Variants in FHIT observed in about 807,000 individuals in gnomAD.
FHIT encodes the protein fragile histidine triad diadenosine triphosphatase.
A neutral mutation model predicts 17.9 loss-of-function variants in FHIT; 19 were observed. The observed-to-expected ratio is 1.06, with a 90% CI of 0.74 to 1.56. The LOEUF (loss-of-function observed/expected upper bound fraction) is 1.56, where lower values mean the gene tolerates loss of function less well. Ranked by LOEUF, FHIT falls within the 40% of genes most tolerant of loss-of-function variation. The pLI, the probability that FHIT is intolerant of heterozygous loss-of-function variation, is 0.00. For synonymous variants in FHIT, 81 were observed against 69.7 expected (o/e 1.16, Z -0.81); for missense variants, 248 against 189.2 (o/e 1.31, Z -1.82).
chr3:61,070,785 C>T (rs1435631034), intron 2 of FHIT, among the ~76,000 whole-genome samples: 1 of 152,110 alleles, frequency 6.6e-6, no homozygotes, highest in African/African-American at 2.4e-5. Context: ...TAACAAGTGC[C>T]CAGTCTTACG....
chr3:61,061,730 G>A (rs537181729), intron 2 of FHIT, among the ~76,000 whole-genome samples: 21 of 152,096 alleles, frequency 1.4e-4, no homozygotes, highest in African/African-American at 4.6e-4. Flanking sequence ...AACTCCCTAC[G>A]TTTCCATTCC....
intron 5 of FHIT, among the ~76,000 whole-genome samples, chr3:60,136,324 A>C (rs937088057): frequency 6.6e-6 from 1 of 152,172 alleles, no homozygotes; most frequent in Non-Finnish European, 1.5e-5. Context: ...AACAGAGCCA[A>C]GGGCTATATA....
In FHIT at chr3:60,440,815, G is replaced by A. The variant is rs535628242; in HGVS notation, c.103+96045C>T. Among the ~76,000 whole-genome samples, 50 of 152,044 alleles carry A rather than the reference G, an allele frequency of 3.3e-4. 1 individual carries two copies. Among genetic ancestry groups the A allele is most frequent in the Middle Eastern group, 6.8e-3 (2 of 294 alleles). On this transcript the variant is annotated intron_variant, in intron 5 of 9. Transcript: ENST00000492590. ...GTAGACTCTTTCACACACTCTCCTG[G>A]AACCTCTCTCCAGTTGCTCAGCTTG... is the stretch of plus-strand genomic sequence containing the variant.
At chr3:60,904,230 C>T (rs2107236721) in intron 3 of FHIT, among the ~76,000 whole-genome samples, 1 of 152,258 alleles carries the variant, frequency 6.6e-6, no homozygotes, top group Middle Eastern at 3.4e-3. Context: ...AATCTTCCTG[C>T]CTAGGAGAGA....
intron 5 of FHIT, among the ~76,000 whole-genome samples, chr3:60,240,753 A>G (rs1310894122): frequency 6.6e-6 from 1 of 152,166 alleles, no homozygotes; most frequent in Non-Finnish European, 1.5e-5. Flanking sequence ...CAAAGTCCTC[A>G]ACAGCTGGCA....
chr3:61,114,521 T>G (rs1411815937), intron 2 of FHIT, among the ~76,000 whole-genome samples: 1 of 152,108 alleles, frequency 6.6e-6, no homozygotes, highest in Non-Finnish European at 1.5e-5. Flanking sequence ...AGTAATACTA[T>G]CTACTTCACA....
intron 8 of FHIT, among the ~76,000 whole-genome samples, chr3:59,910,263 A>G (rs1426022214): frequency 6.6e-6 from 1 of 152,224 alleles, no homozygotes; most frequent in East Asian, 1.9e-4. Flanking sequence ...GGGAGCTTCC[A>G]GGGCATAGGT....
At chr3:60,187,649 A>G (rs1279913389) in intron 5 of FHIT, among the ~76,000 whole-genome samples, 2 of 152,198 alleles carry the variant, frequency 1.3e-5, no homozygotes, top group African/African-American at 4.8e-5. Context: ...CTGAACAACA[A>G]GCAGCAAATA....
At chr3:61,034,064 A>C (rs1301134397) in intron 3 of FHIT, among the ~76,000 whole-genome samples, 6 of 152,186 alleles carry the variant, frequency 3.9e-5, no homozygotes, top group Non-Finnish European at 7.4e-5. Context: ...ATAACCACAC[A>C]TGCCAAGAAT....
intron 5 of FHIT, among the ~76,000 whole-genome samples, chr3:60,430,902 T>C (rs926405551): frequency 2.0e-5 from 3 of 152,006 alleles, no homozygotes; most frequent in African/African-American, 7.2e-5. Flanking sequence ...TAAAGCAAGA[T>C]TGCTCCTTTT....
chr3:59,909,245 G>A (rs920322220), intron 8 of FHIT, among the ~76,000 whole-genome samples: 1 of 151,992 alleles, frequency 6.6e-6, no homozygotes, highest in South Asian at 2.1e-4. Flanking sequence ...TGCTGGCCAG[G>A]CTGATCTGGA....
chr3:60,721,643 T>C (rs963536664), intron 4 of FHIT, among the ~76,000 whole-genome samples: 1 of 152,126 alleles, frequency 6.6e-6, no homozygotes, highest in Non-Finnish European at 1.5e-5. Context: ...AAAAGCATGA[T>C]TCATGAATAT....
chr3:60,661,921 T>G (rs1164340081), intron 4 of FHIT, among the ~76,000 whole-genome samples: 1 of 152,178 alleles, frequency 6.6e-6, no homozygotes, highest in Non-Finnish European at 1.5e-5. Flanking sequence ...TTCTTGCTAA[T>G]TTGTTTGAGT....
At chr3:60,610,956 T>C (rs78808261) in intron 4 of FHIT, among the ~76,000 whole-genome samples, 1 of 152,138 alleles carries the variant, frequency 6.6e-6, no homozygotes, top group Non-Finnish European at 1.5e-5. Flanking sequence ...GGCCATGTAC[T>C]CTTAAGCCTA....
chr3:61,170,148 T>C (rs2037960930), intron 2 of FHIT, among the ~76,000 whole-genome samples: 1 of 152,210 alleles, frequency 6.6e-6, no homozygotes, highest in Admixed American at 6.5e-5. Flanking sequence ...ATCTTCATCA[T>C]AGGTAATAGC....
chr3:60,125,213 T>C (rs961464618), intron 5 of FHIT, among the ~76,000 whole-genome samples: 1 of 152,216 alleles, frequency 6.6e-6, no homozygotes, highest in East Asian at 1.9e-4. Context: ...GTTCCCACTT[T>C]GCTCTCTTAC....
intron 4 of FHIT, among the ~76,000 whole-genome samples, chr3:60,656,705 T>C (rs2856000): frequency 1 from 151,925 of 152,306 alleles, 75,774 homozygotes; most frequent in Middle Eastern, 1. Flanking sequence ...CCCTTTGATG[T>C]CTTTCCACAA....
chr3:60,026,662 T>C (rs1236002597), intron 5 of FHIT, among the ~76,000 whole-genome samples: 1 of 152,154 alleles, frequency 6.6e-6, no homozygotes, highest in Non-Finnish European at 1.5e-5. Flanking sequence ...ATAAAAAAAA[T>C]CTCAAAATGT....
intron 4 of FHIT, among the ~76,000 whole-genome samples, chr3:60,614,809 GT>G (rs147892145): frequency 1.3e-5 from 1 of 78,240 alleles, no homozygotes; most frequent in East Asian, 6.4e-4. Flanking sequence ...TGCAAAAGTT[GT>G]TTTTTTTTTG....
Sources: gnomAD v4.1 joint callset for allele counts (sites outside exome capture counted in the v4.1 genomes callset) on GRCh38, gnomAD v4.1.1 for gene constraint, MANE v1.5 for transcripts, NCBI Gene and HGNC (gene_info 2026-07-23, HGNC 2026-07-21) for gene names.